DLC1: variants seen among roughly 807,000 people sequenced by gnomAD.
The protein encoded by DLC1 is DLC1 Rho GTPase activating protein, also known as rho GTPase-activating protein 7.
A neutral mutation model predicts 140.3 loss-of-function variants in DLC1; 54 were observed. The ratio of observed to expected loss-of-function variants is 0.38; its 90% CI spans 0.31 to 0.48. The LOEUF is 0.48. DLC1 is among the 20% of genes least tolerant of loss of function. The pLI, the probability that DLC1 is intolerant of heterozygous loss-of-function variation, is 0.96. For synonymous variants in DLC1, 986 were observed against 728.1 expected (o/e 1.35, Z -5.70); for missense variants, 2,536 against 1,907.0 (o/e 1.33, Z -6.14).
At chr8:13,138,267 C>G (rs375750182) in intron 5 of DLC1, among the ~76,000 whole-genome samples, 1 of 152,194 alleles carries the variant, frequency 6.6e-6, no homozygotes, top group Non-Finnish European at 1.5e-5. Flanking sequence ...GGCTTAGTGG[C>G]TTGTTGACCT....
At chr8:13,535,819 AT>A in intron 1 of DLC1, among the ~76,000 whole-genome samples, 1 of 152,206 alleles carries the variant, frequency 6.6e-6, no homozygotes, top group South Asian at 2.1e-4. Flanking sequence ...TATAACTCTG[AT>A]TATCTACTTA....
chr8:13,202,215 A>C lies in DLC1; in HGVS notation c.1349-86558T>G, dbSNP rs150294645. Among the ~76,000 whole-genome samples, 326 of 152,176 alleles carry C rather than the reference A, an allele frequency of 2.1e-3. 2 individuals carry two copies. The highest frequency in any genetic ancestry group is 1.5e-4 in the Non-Finnish European group (10 of 68,006). ...GGCCTCGGCCTCCTAAAGTGCTGGG[A>C]TTACAGGTGTGAGCCGCTGTGCCAG... On this transcript the variant is annotated intron_variant, in intron 5 of 17. Coordinates refer to ENST00000276297, the MANE Select transcript of DLC1 (RefSeq NM_182643.3).
chr8:13,480,742 A>C (rs1800690454), intron 2 of DLC1, among the ~76,000 whole-genome samples: 1 of 152,114 alleles, frequency 6.6e-6, no homozygotes, highest in Non-Finnish European at 1.5e-5. Context: ...AATTTCTACT[A>C]AAAGTATAAA....
At chr8:13,377,427 A>C (rs1344586190) in intron 4 of DLC1, among the ~76,000 whole-genome samples, 1 of 152,202 alleles carries the variant, frequency 6.6e-6, no homozygotes, top group African/African-American at 2.4e-5. Context: ...CTTTGTTGTA[A>C]GGAGGACAGT....
chr8:13,367,142 CTT>C (rs1835523541), intron 4 of DLC1, among the ~76,000 whole-genome samples: 1 of 152,116 alleles, frequency 6.6e-6, no homozygotes, highest in Non-Finnish European at 1.5e-5. Flanking sequence ...ATCCTTTACT[CTT>C]TTCTAATTTT....
chr8:13,492,192 CCACCTCT>C (rs1801282133), intron 2 of DLC1, among the ~76,000 whole-genome samples: 1 of 151,448 alleles, frequency 6.6e-6, no homozygotes, highest in Admixed American at 6.6e-5. Context: ...TCTGAGGGTT[CCACCTCT>C]AGCCTGTTGG....
intron 4 of DLC1, among the ~76,000 whole-genome samples, chr8:13,375,328 A>G (rs1216689714): frequency 1.3e-5 from 2 of 152,148 alleles, no homozygotes; most frequent in Non-Finnish European, 2.9e-5. Context: ...CGCCCGGCCA[A>G]GAATGCTTGT....
In DLC1 at chr8:13,350,716, A is replaced by T. The variant is rs540768564; in HGVS notation, c.1314+42837T>A. Reference sequence around the variant, plus strand: ...GGGCCATGGAGCAAGACTCGATCTTAAAAAATAAATAAATAAATAAATATA... The same window carrying T: ...GGGCCATGGAGCAAGACTCGATCTTTAAAAATAAATAAATAAATAAATATA... On this transcript the variant is annotated intron_variant, in intron 4 of 17. Coordinates refer to ENST00000276297, the MANE Select transcript of DLC1 (RefSeq NM_182643.3). Among the ~76,000 whole-genome samples, 11 of 133,980 alleles carry T rather than the reference A, an allele frequency of 8.2e-5. No homozygotes were observed. In the South Asian group the frequency reaches 2.0e-3, roughly 25 times the overall value. 87.9% of individuals were successfully genotyped at this position (133,980 alleles called of 152,430 possible).
chr8:13,097,552 C>A (rs1224636207), intron 10 of DLC1, among the ~76,000 whole-genome samples: 1 of 151,760 alleles, frequency 6.6e-6, no homozygotes, highest in African/African-American at 2.4e-5. Context: ...GCATGAGCCA[C>A]CACACCCGCC....
At chr8:13,246,124 T>A (rs534693897) in intron 5 of DLC1, among the ~76,000 whole-genome samples, 1 of 152,294 alleles carries the variant, frequency 6.6e-6, no homozygotes, top group South Asian at 2.1e-4. Flanking sequence ...GGGGCTGACT[T>A]AGAGAGTCCA....
chr8:13,489,005 T>G (rs1394716951), intron 2 of DLC1, among the ~76,000 whole-genome samples: 1 of 152,170 alleles, frequency 6.6e-6, no homozygotes, highest in Non-Finnish European at 1.5e-5. Context: ...TGGAGTGCAG[T>G]GGCGTGATCT....
intron 5 of DLC1, among the ~76,000 whole-genome samples, chr8:13,128,819 A>AGC (rs1821820222): frequency 2.7e-5 from 4 of 150,528 alleles, no homozygotes; most frequent in African/African-American, 4.9e-5. Context: ...TGGGCGACAG[A>AGC]GAGAGACTCC....
intron 5 of DLC1, among the ~76,000 whole-genome samples, chr8:13,179,857 A>G (rs1216870286): frequency 1.3e-5 from 2 of 152,214 alleles, no homozygotes; most frequent in East Asian, 1.9e-4. Context: ...GAATAAATCT[A>G]TGCTGGGGAG....
intron 4 of DLC1, among the ~76,000 whole-genome samples, chr8:13,336,699 A>G (rs1456944866): frequency 6.6e-6 from 1 of 152,232 alleles, no homozygotes; most frequent in Non-Finnish European, 1.5e-5. Flanking sequence ...TATCTATAAA[A>G]TGAGTATAAG....
chr8:13,351,432 A>T (rs1346593819), intron 4 of DLC1, among the ~76,000 whole-genome samples: 1 of 152,224 alleles, frequency 6.6e-6, no homozygotes, highest in African/African-American at 2.4e-5. Flanking sequence ...TTAGAAAAGG[A>T]TTGCAAATAT....
chr8:13,212,011 C>G (rs944523008), intron 5 of DLC1, among the ~76,000 whole-genome samples: 5 of 152,114 alleles, frequency 3.3e-5, no homozygotes, highest in East Asian at 1.9e-4. Context: ...CATTAACACC[C>G]CATGGAAAAG....
intron 5 of DLC1, among the ~76,000 whole-genome samples, chr8:13,223,668 A>T (rs1828661238): frequency 6.6e-6 from 1 of 152,238 alleles, no homozygotes; most frequent in African/African-American, 2.4e-5. Flanking sequence ...TTGGTTGGCT[A>T]ACACCATTGG....
At chr8:13,394,592 G>A (rs775863661) in intron 3 of DLC1, among the ~76,000 whole-genome samples, 8 of 152,090 alleles carry the variant, frequency 5.3e-5, no homozygotes, top group South Asian at 2.1e-4. Flanking sequence ...GCAAAGGCAC[G>A]TATCACTCTA....
At chr8:13,587,083 C>CAT (rs1221379882) in intron 1 of DLC1, among the ~76,000 whole-genome samples, 1 of 150,340 alleles carries the variant, frequency 6.7e-6, no homozygotes, top group African/African-American at 2.5e-5. Context: ...AGTTTACACA[C>CAT]ACACACACAC....
Sources: allele counts gnomAD v4.1 joint callset (sites outside exome capture counted in the v4.1 genomes callset), GRCh38; gene constraint gnomAD v4.1.1; transcripts MANE v1.5; gene names NCBI Gene and HGNC (gene_info 2026-07-23, HGNC 2026-07-21).